The following TBCK variants were observed in gnomAD, a reference collection of about 807,000 sequenced individuals.
TBCK encodes TBC domain-containing protein kinase-like protein.
In TBCK, 99 loss-of-function variants were observed where a neutral mutation model predicts 113.4. The observed-to-expected ratio is 0.87, with a 90% CI of 0.74 to 1.03. TBCK has a LOEUF of 1.03. TBCK is among the 50% of genes least tolerant of loss of function. The pLI, the probability that TBCK is intolerant of heterozygous loss-of-function variation, is 0.00. For synonymous variants in TBCK, 369 were observed against 370.8 expected, an observed-to-expected ratio of 1.00 and a Z score of 0.05; for missense variants, 1,045 against 1,061.3, an observed-to-expected ratio of 0.98 and a Z score of 0.21.
chr4:106,279,870 T>C (rs565580757), intron 3 of TBCK, among the ~76,000 whole-genome samples: 1 of 152,188 alleles, frequency 6.6e-6, no homozygotes, highest in Non-Finnish European at 1.5e-5. Flanking sequence ...TCTTGGCTAT[T>C]GTGAACAGTG....
chr4:106,260,617 T>C, intron 4 of TBCK, 107 bp from the exon 5 acceptor site: 2 of 392,694 alleles, frequency 5.1e-6, no homozygotes, highest in Admixed American at 4.5e-5. Flanking sequence ...AAAGAAACCA[T>C]TATATAACAA....
intron 22 of TBCK, among the ~76,000 whole-genome samples, chr4:106,178,659 G>T (rs1359761424): frequency 6.6e-6 from 1 of 151,940 alleles, no homozygotes; most frequent in Non-Finnish European, 1.5e-5. Context: ...TTCCTGGGAT[G>T]AATCCCCCTT....
intron 20 of TBCK, among the ~76,000 whole-genome samples, chr4:106,207,771 A>C (rs79947198): frequency 0.026 from 3,925 of 152,304 alleles, 77 homozygotes; most frequent in Middle Eastern, 0.051. Context: ...AAGATTTCAA[A>C]AAACAGTCTT....
rs983928343 is a variant in TBCK, at chr4:106,168,319, C to T, written c.2235+2776G>A. ...GCATTCATGATAAAAAATCTCTCAG[C>T]AAATTGGGAATAAAAGAGACCTTAC... On this transcript the variant is annotated intron_variant, in intron 23 of 25. Transcript: ENST00000394708. 1.3e-5 allele frequency among the ~76,000 whole-genome samples: 2 copies of T among 151,752 alleles called. 1 individual carries two copies. Among genetic ancestry groups the T allele is most frequent in the African/African-American group, 4.8e-5 (2 of 41,372 alleles).
chr4:106,110,591 G>T (rs891992612), intron 24 of TBCK, among the ~76,000 whole-genome samples: 1 of 152,172 alleles, frequency 6.6e-6, no homozygotes. Context: ...ATAACCCATG[G>T]TTTCTGAAAG....
chr4:106,158,468 G>T (rs542014668), intron 23 of TBCK, among the ~76,000 whole-genome samples: 1 of 152,266 alleles, frequency 6.6e-6, no homozygotes, highest in Admixed American at 6.5e-5. Flanking sequence ...TTGGAGAGAA[G>T]TATACAGATT....
intron 25 of TBCK, among the ~76,000 whole-genome samples, chr4:106,059,395 A>G (rs1360969616): frequency 6.6e-6 from 1 of 151,710 alleles, no homozygotes; most frequent in Non-Finnish European, 1.5e-5. Flanking sequence ...TGCTCACTTC[A>G]TACCTCTAAG....
intron 23 of TBCK, among the ~76,000 whole-genome samples, chr4:106,131,441 C>T (rs542169990): frequency 4.6e-5 from 7 of 152,100 alleles, no homozygotes; most frequent in East Asian, 1.9e-4. Flanking sequence ...GGAGAAACCC[C>T]GTCTCTACTA....
At chr4:106,295,976 T>C (rs1225221700) in intron 2 of TBCK, among the ~76,000 whole-genome samples, 1 of 152,154 alleles carries the variant, frequency 6.6e-6, no homozygotes, top group Non-Finnish European at 1.5e-5. Context: ...AGTGGATGTG[T>C]GCAGTCCAAA....
intron 25 of TBCK, among the ~76,000 whole-genome samples, chr4:106,093,673 C>T (rs1015649882): frequency 6.6e-6 from 1 of 152,004 alleles, no homozygotes; most frequent in Non-Finnish European, 1.5e-5. Flanking sequence ...CTGGGCCCTA[C>T]TTGAGGCTGG....
intron 19 of TBCK, among the ~76,000 whole-genome samples, chr4:106,218,538 C>T (rs1187315463): frequency 2.9e-5 from 3 of 104,298 alleles, no homozygotes; most frequent in Non-Finnish European, 3.9e-5. Context: ...AAACAAACAA[C>T]CCCATCAAAA....
In TBCK at chr4:106,275,863, C is replaced by T. The variant is rs569042857; in HGVS notation, c.267-13651G>A. Among the ~76,000 whole-genome samples, 37 of 152,130 alleles carry T rather than the reference C, an allele frequency of 2.4e-4. No homozygotes were observed. In the South Asian group the frequency reaches 7.5e-3, roughly 31 times the overall value. On this transcript the variant is annotated intron_variant, in intron 3 of 25. Coordinates refer to ENST00000394708, the MANE Select transcript of TBCK (RefSeq NM_001163435.3). ...TTCTTTCCAAATTGATCCATACATGCAACGCAACCTCAATCAAGATGCCAA... is the reference window on the plus strand; with the variant it reads ...TTCTTTCCAAATTGATCCATACATGTAACGCAACCTCAATCAAGATGCCAA...
At chr4:106,095,774 T>C in intron 24 of TBCK, 133 bp from the exon 25 acceptor site, 1 of 663,566 alleles carries the variant, frequency 1.5e-6, no homozygotes, top group Non-Finnish European at 2.3e-6. Flanking sequence ...TTTATCTAAA[T>C]GAAGTAAGGC....
intron 23 of TBCK, among the ~76,000 whole-genome samples, chr4:106,161,468 G>T: frequency 6.6e-6 from 1 of 152,066 alleles, no homozygotes; most frequent in Non-Finnish European, 1.5e-5. Context: ...TTTTATAAAT[G>T]ATTGTGCAGA....
chr4:106,165,792 C>A (rs756040897), intron 23 of TBCK, among the ~76,000 whole-genome samples: 9 of 151,502 alleles, frequency 5.9e-5, no homozygotes, highest in South Asian at 2.1e-4. Flanking sequence ...AAATAGGGAA[C>A]TAGAGAGGTT....
intron 1 of TBCK, among the ~76,000 whole-genome samples, chr4:106,314,014 A>G (rs1484543482): frequency 6.6e-6 from 1 of 152,218 alleles, no homozygotes; most frequent in South Asian, 2.1e-4. Flanking sequence ...GGAAAAAAAC[A>G]TATCAGAGCA....
At chr4:106,157,159 G>C (rs1251859597) in intron 23 of TBCK, among the ~76,000 whole-genome samples, 1 of 152,116 alleles carries the variant, frequency 6.6e-6, no homozygotes, top group East Asian at 1.9e-4. Flanking sequence ...TCCTGGAAAG[G>C]GGGATTCATG....
intron 23 of TBCK, among the ~76,000 whole-genome samples, chr4:106,147,035 C>T (rs1448206998): frequency 6.6e-6 from 1 of 152,216 alleles, no homozygotes; most frequent in Admixed American, 6.5e-5. Flanking sequence ...AACTCCTCAT[C>T]CATTCAAGTT....
At chr4:106,112,965 A>G (rs574333391) in intron 24 of TBCK, among the ~76,000 whole-genome samples, 56 of 152,330 alleles carry the variant, frequency 3.7e-4, no homozygotes, top group African/African-American at 1.3e-3. Flanking sequence ...TTAACCCTAG[A>G]GGACTAGAAC....
Sources: allele counts gnomAD v4.1 joint callset (sites outside exome capture counted in the v4.1 genomes callset), GRCh38; gene constraint gnomAD v4.1.1; transcripts MANE v1.5; gene names NCBI Gene and HGNC (gene_info 2026-07-23, HGNC 2026-07-21).